Variants in CADM2 observed in about 807,000 individuals in gnomAD.
The protein encoded by CADM2 is cell adhesion molecule 2, also known as immunoglobulin superfamily member 4D.
CADM2 carries 12 observed loss-of-function variants against 49.8 expected under a neutral mutation model. The observed-to-expected ratio is 0.24, with a 90% CI of 0.15 to 0.39. The LOEUF is 0.39. Among genes scored for constraint, CADM2 ranks in the 10% least tolerant of loss-of-function variants. CADM2 has a pLI of 1.00. For synonymous variants in CADM2, 214 were observed against 175.4 expected (o/e 1.22, Z -1.74); for missense variants, 378 against 492.3 (o/e 0.77, Z 2.20).
intron 1 of CADM2, among the ~76,000 whole-genome samples, chr3:85,449,079 T>TAATAATAATAATAAA (rs1338554155): frequency 6.8e-6 from 1 of 147,854 alleles, no homozygotes; most frequent in African/African-American, 2.4e-5. Context: ...ATAATAATGA[T>TAATAATAATAATAAA]AAAAATTATA....
intron 1 of CADM2, among the ~76,000 whole-genome samples, chr3:85,499,902 A>G (rs1375159048): frequency 2.6e-5 from 4 of 152,174 alleles, no homozygotes; most frequent in Non-Finnish European, 1.5e-5. Context: ...TGGAAAACTG[A>G]TAAGATTTTT....
At chr3:85,542,975 A>G (rs1231747725) in intron 1 of CADM2, among the ~76,000 whole-genome samples, 1 of 152,172 alleles carries the variant, frequency 6.6e-6, no homozygotes, top group Non-Finnish European at 1.5e-5. Context: ...GAGTTCTCAA[A>G]CTCATATGGT....
chr3:85,854,745 G>A (rs960767212), intron 3 of CADM2, among the ~76,000 whole-genome samples: 3 of 152,016 alleles, frequency 2.0e-5, no homozygotes, highest in Non-Finnish European at 4.4e-5. Flanking sequence ...AAGCCTGCAC[G>A]TTCTGCATAT....
intron 6 of CADM2, among the ~76,000 whole-genome samples, chr3:85,914,989 T>A (rs1467602260): frequency 6.6e-6 from 1 of 152,204 alleles, no homozygotes; most frequent in African/African-American, 2.4e-5. Context: ...CACCTGGTCA[T>A]AAGATGAACT....
chr3:85,765,534 G>A (rs2069613546), intron 2 of CADM2, among the ~76,000 whole-genome samples: 3 of 151,848 alleles, frequency 2.0e-5, no homozygotes, highest in Non-Finnish European at 4.4e-5. Context: ...AGATGTCATA[G>A]TATCTCCCTA....
intron 1 of CADM2, among the ~76,000 whole-genome samples, chr3:85,333,873 T>C (rs1157532802): frequency 1.3e-5 from 2 of 151,746 alleles, no homozygotes; most frequent in Non-Finnish European, 3.0e-5. Flanking sequence ...ATTGAGGGAC[T>C]CCATGTAATT....
intron 8 of CADM2, among the ~76,000 whole-genome samples, chr3:85,995,611 A>G (rs1040861530): frequency 6.6e-6 from 1 of 152,206 alleles, no homozygotes; most frequent in Non-Finnish European, 1.5e-5. Context: ...ATATTTACTT[A>G]TGACCATACA....
At position 85,844,878 on chromosome 3, in the gene CADM2, T is replaced by C. The variant is rs115728217; in HGVS notation, c.239-38413T>C. Among the ~76,000 whole-genome samples the C allele has an allele frequency of 2.5e-3, 377 of 152,014 alleles. 1 individual carries two copies. The highest frequency in any genetic ancestry group is 8.8e-3 in the African/African-American group (366 of 41,476). On this transcript the variant is annotated intron_variant, in intron 3 of 9. Coordinates refer to ENST00000383699, the MANE Select transcript of CADM2 (RefSeq NM_001167675.2). ...AAAAAAATGAGCTTTAGTCCAGGCG[T>C]GGTGGCTCACACTTGTAATACCAGC...
intron 1 of CADM2, among the ~76,000 whole-genome samples, chr3:85,543,420 A>ATGTGTGTGGGGGTGGGGGTGTGTG (rs372108050): frequency 7.7e-6 from 1 of 129,584 alleles, no homozygotes; most frequent in Non-Finnish European, 1.7e-5. Flanking sequence ...TGCCAAGCTA[A>ATGTGTGTGGGGGTGGGGGTGTGTG]TGTGTGTGTG....
chr3:85,013,317 G>A (rs550300657), intron 1 of CADM2, among the ~76,000 whole-genome samples: 1 of 151,968 alleles, frequency 6.6e-6, no homozygotes. Flanking sequence ...AGCAGCTGTT[G>A]AAAATTATTT....
intron 1 of CADM2, among the ~76,000 whole-genome samples, chr3:85,556,909 A>T (rs1480821735): frequency 6.6e-6 from 1 of 152,098 alleles, no homozygotes; most frequent in Admixed American, 6.6e-5. Flanking sequence ...CAATGAAATA[A>T]GGTTCTTTTA....
chr3:85,637,769 GTCT>G (rs1227554584), intron 1 of CADM2, among the ~76,000 whole-genome samples: 1 of 151,918 alleles, frequency 6.6e-6, no homozygotes, highest in Non-Finnish European at 1.5e-5. Context: ...TCAAATGCTC[GTCT>G]TCTTATTTCA....
chr3:85,921,490 A>G (rs1719109041), intron 6 of CADM2, among the ~76,000 whole-genome samples: 1 of 152,002 alleles, frequency 6.6e-6, no homozygotes, highest in Admixed American at 6.6e-5. Flanking sequence ...TTTAAATAAT[A>G]TACTTTATTT....
At chr3:85,895,909 A>G (rs1303825801) in intron 5 of CADM2, among the ~76,000 whole-genome samples, 1 of 152,150 alleles carries the variant, frequency 6.6e-6, no homozygotes, top group African/African-American at 2.4e-5. Context: ...TGAGTCCATT[A>G]AACCTCTTTT....
chr3:85,089,296 C>G (rs1029127379), intron 1 of CADM2, among the ~76,000 whole-genome samples: 4 of 152,030 alleles, frequency 2.6e-5, no homozygotes, highest in Admixed American at 1.3e-4. Flanking sequence ...ATTCACTTCT[C>G]CAGAAATTCA....
Position 85,721,029 on chromosome 3 carries a change from C to T in CADM2, c.62-5493C>T, listed in dbSNP as rs1016332635. ...CAGTAGATTTTAAAATATATATATT[C>T]AGAAGTGTGTTTTTTCTCTGTAAAT... On this transcript the variant is annotated intron_variant, in intron 1 of 9. Coordinates refer to ENST00000383699, the MANE Select transcript of CADM2 (RefSeq NM_001167675.2). Among the ~76,000 whole-genome samples the T allele has an allele frequency of 4.6e-5, 7 of 152,236 alleles. No individual in the cohort carries two copies. In the East Asian group the frequency reaches 1.4e-3, roughly 29 times the overall value.
At chr3:85,274,008 A>T (rs906432205) in intron 1 of CADM2, among the ~76,000 whole-genome samples, 2 of 151,456 alleles carry the variant, frequency 1.3e-5, no homozygotes, top group Non-Finnish European at 3.0e-5. Flanking sequence ...GTTGTCACAG[A>T]AACTACTTCA....
At chr3:85,484,734 A>G (rs1171294896) in intron 1 of CADM2, among the ~76,000 whole-genome samples, 2 of 152,144 alleles carry the variant, frequency 1.3e-5, no homozygotes, top group African/African-American at 4.8e-5. Context: ...AACTGAAACT[A>G]TTGTAAATTA....
At chr3:85,336,955 A>AT (rs1559786488) in intron 1 of CADM2, among the ~76,000 whole-genome samples, 1 of 89,888 alleles carries the variant, frequency 1.1e-5, no homozygotes, top group East Asian at 2.4e-4. Flanking sequence ...ATATATATTT[A>AT]ATATATATAT....
Sources: allele counts gnomAD v4.1 joint callset (sites outside exome capture counted in the v4.1 genomes callset), GRCh38; gene constraint gnomAD v4.1.1; transcripts MANE v1.5; gene names NCBI Gene and HGNC (gene_info 2026-07-23, HGNC 2026-07-21).